UNC50: variants seen among roughly 807,000 people sequenced by gnomAD.
UNC50 encodes the protein protein unc-50 homolog.
In UNC50, 24 loss-of-function variants were observed where a neutral mutation model predicts 31.5. That is an observed-to-expected ratio of 0.76 (90% CI 0.55 to 1.07). The LOEUF is 1.07. UNC50 is among the 50% of genes least tolerant of loss of function. UNC50 has a pLI of 0.00. For missense variants in UNC50, 245 were observed against 304.2 expected, an observed-to-expected ratio of 0.81 and a Z score of 1.45; for synonymous variants, 118 against 114.7, an observed-to-expected ratio of 1.03 and a Z score of -0.18.
chr2:98,615,013 T>C (rs1700897771), intron 3 of UNC50, among the ~76,000 whole-genome samples: 1 of 152,252 alleles, frequency 6.6e-6, no homozygotes, highest in Non-Finnish European at 1.5e-5. Context: ...AGATCTTACT[T>C]TTCTGTTACT....
At chr2:98,608,816 C>T in intron 1 of UNC50, 90 bp downstream of exon 1, 1 of 285,150 alleles carries the variant, frequency 3.5e-6, no homozygotes, top group South Asian at 3.2e-5. Flanking sequence ...GACGTCGCTG[C>T]GGCCTGGCAG....
intron 3 of UNC50, 93 bp downstream of exon 3, chr2:98,610,988 C>A: frequency 7.1e-7 from 1 of 1,406,868 alleles, no homozygotes; most frequent in South Asian, 1.6e-5. Flanking sequence ...AAATTGAAAC[C>A]CAGGTAGAGT....
chr2:98,616,584 A>AGCCTGTGG, intron 5 of UNC50, 51 bp downstream of exon 5: 1 of 1,453,914 alleles, frequency 6.9e-7, no homozygotes, highest in Non-Finnish European at 9.6e-7. Context: ...AAGAGGGGGA[A>AGCCTGTGG]AGTTGTAACA....
chr2:98,615,459 A>G (rs1205750709), intron 3 of UNC50, among the ~76,000 whole-genome samples: 1 of 152,142 alleles, frequency 6.6e-6, no homozygotes, highest in Non-Finnish European at 1.5e-5. Context: ...AGGCAGCTCC[A>G]TCTTCCATTT....
chr2:98,617,219 G>A (rs1186117768), intron 5 of UNC50, among the ~76,000 whole-genome samples: 3 of 152,144 alleles, frequency 2.0e-5, no homozygotes, highest in Non-Finnish European at 2.9e-5. Flanking sequence ...TGCGCTGTAC[G>A]TTTCTTACCC....
chr2:98,610,715 G>T, intron 2 of UNC50, 60 bp from the exon 3 acceptor site: 1 of 1,594,162 alleles, frequency 6.3e-7, no homozygotes, highest in Non-Finnish European at 8.5e-7. Flanking sequence ...CAAGGGATGT[G>T]TCCTGTATTT....
In UNC50 at chr2:98,618,346, T is replaced by TGTGAA; in HGVS notation, c.*47_*51dup. ...TCAATCGTAACTGTGTCAACAGTAT[T>TGTGAA]GTGAAGTGATCATTTCTTGTAAAAC... On this transcript the variant is annotated 3_prime_UTR_variant, in exon 6 of 6. Transcript: ENST00000357765. 1 of 1,534,790 alleles carries TGTGAA rather than the reference T, an allele frequency of 6.5e-7. No individual in the cohort carries two copies. The highest frequency in any genetic ancestry group is 1.7e-4 in the Middle Eastern group (1 of 5,764).
intron 2 of UNC50, 115 bp from the exon 3 acceptor site, chr2:98,610,660 T>G (rs917361677): frequency 2.2e-6 from 3 of 1,338,264 alleles, no homozygotes; most frequent in African/African-American, 2.9e-5. Context: ...CTTGGGAGTT[T>G]TGTTTAAAGA....
rs138711788 is a variant in UNC50 at position 98,612,971 on chromosome 2, T to C, written c.401+2076T>C. On this transcript the variant is annotated intron_variant, in intron 3 of 5. Transcript: ENST00000357765. Reference sequence around the variant, plus strand: ...AAGTGGGCATATGCTGCTGGAAAAATGGCACAGGCAGACTTGCTGGACACA... The same window carrying C: ...AAGTGGGCATATGCTGCTGGAAAAACGGCACAGGCAGACTTGCTGGACACA... Among the ~76,000 whole-genome samples, 592 of 152,214 alleles carry C rather than the reference T, an allele frequency of 3.9e-3. 4 individuals carry two copies. The highest frequency in any genetic ancestry group is 0.013 in the African/African-American group (555 of 41,512).
chr2:98,617,261 C>CCTAA (rs750934019), intron 5 of UNC50, among the ~76,000 whole-genome samples: 15 of 152,132 alleles, frequency 9.9e-5, no homozygotes, highest in African/African-American at 3.1e-4. Flanking sequence ...ATGATTAGGG[C>CCTAA]CTAACTGTAA....
chr2:98,611,193 C>T (rs975052852), intron 3 of UNC50, among the ~76,000 whole-genome samples: 1 of 152,214 alleles, frequency 6.6e-6, no homozygotes, highest in Non-Finnish European at 1.5e-5. Flanking sequence ...AAGTTAAGGA[C>T]ATGCCTGTGA....
chr2:98,618,336 T>G lies in UNC50; in HGVS notation c.*32T>G, dbSNP rs1575233714. The G allele has an allele frequency of 6.3e-7, 1 of 1,579,888 alleles. No homozygotes were observed. ...AGAAGAAGATTCAATCGTAACTGTG[T>G]CAACAGTATTGTGAAGTGATCATTT... On this transcript the variant is annotated 3_prime_UTR_variant, in exon 6 of 6. Coordinates refer to ENST00000357765, the MANE Select transcript of UNC50 (RefSeq NM_014044.7).
chr2:98,612,655 C>T (rs915052732), intron 3 of UNC50, among the ~76,000 whole-genome samples: 5 of 152,196 alleles, frequency 3.3e-5, no homozygotes, highest in South Asian at 2.1e-4. Flanking sequence ...GTGATCCTCC[C>T]GCCTCAGCCT....
rs1396275213 is a variant in UNC50, at chr2:98,618,316, AAG to A, written c.*14_*15del. ...ACAGAGTGAAATAAAAAGTGAGAAGAAGATTCAATCGTAACTGTGTCAACAGT... is the reference window on the plus strand; with the variant it reads ...ACAGAGTGAAATAAAAAGTGAGAAGAATTCAATCGTAACTGTGTCAACAGT... On this transcript the variant is annotated 3_prime_UTR_variant, in exon 6 of 6. Coordinates refer to ENST00000357765, the MANE Select transcript of UNC50 (RefSeq NM_014044.7). The A allele has an allele frequency of 6.3e-7, 1 of 1,588,162 alleles. No homozygotes were observed. Among genetic ancestry groups the A allele is most frequent in the East Asian group, 2.2e-5 (1 of 44,684 alleles).
chr2:98,616,582 G>GTTT (rs1559149379), intron 5 of UNC50, 49 bp downstream of exon 5: 1 of 1,486,978 alleles, frequency 6.7e-7, no homozygotes, highest in Non-Finnish European at 9.3e-7. Context: ...GCAAGAGGGG[G>GTTT]AAAGTTGTAA....
rs1248856055 is a variant in UNC50, at chr2:98,608,734, C to T, written c.-5+8C>T. The T allele has an allele frequency of 2.5e-6, 1 of 397,604 alleles. No homozygotes were observed. The highest frequency in any genetic ancestry group is 4.7e-6 in the Non-Finnish European group (1 of 214,952). The allele number at this position is 397,604 out of a possible 1,614,324, so 24.6% of individuals were successfully genotyped here. A position where few individuals can be genotyped will look rare whatever the true frequency, so the allele number is the denominator to read the frequency against. On this transcript the variant is annotated splice_region_variant and intron_variant, in intron 1 of 5. Coordinates refer to ENST00000357765, the MANE Select transcript of UNC50 (RefSeq NM_014044.7). Reference sequence around the variant, plus strand: ...GCTGTAGCAGGACTCCAGGTGAGGCCTGAGGACCACTCTGCCCTCCCGCGG... The same window carrying T: ...GCTGTAGCAGGACTCCAGGTGAGGCTTGAGGACCACTCTGCCCTCCCGCGG...
intron 5 of UNC50, among the ~76,000 whole-genome samples, chr2:98,617,402 T>G (rs188400711): frequency 6.6e-6 from 1 of 152,284 alleles, no homozygotes; most frequent in Non-Finnish European, 1.5e-5. Flanking sequence ...CTTTCTCTAG[T>G]CCAGGGGAGA....
At chr2:98,616,745 C>G (rs1217203489) in intron 5 of UNC50, among the ~76,000 whole-genome samples, 2 of 152,180 alleles carry the variant, frequency 1.3e-5, no homozygotes, top group East Asian at 3.8e-4. Context: ...GCAACTTACC[C>G]ATGGTCATGC....
chr2:98,616,304 C>T lies in UNC50; in HGVS notation c.499C>T (p.Leu167Phe). The change falls in exon 4 of 6, where the codon CTC (leucine) becomes TTC (phenylalanine). Residue 167 changes from leucine (L) to phenylalanine (F), a missense_variant. Transcript: ENST00000357765. ...FDVHLNAFYP[L>F]LVILHFIQLF... ...TGTGCATCTCAATGCTTTTTATCCACTCCTGGTCATTTTGCATTTTATCCA... is the reference window on the plus strand; with the variant it reads ...TGTGCATCTCAATGCTTTTTATCCATTCCTGGTCATTTTGCATTTTATCCA... The T allele has an allele frequency of 2.5e-6, 4 of 1,614,152 alleles. No homozygotes were observed. Among genetic ancestry groups the T allele is most frequent in the Non-Finnish European group, 2.5e-6 (3 of 1,180,020 alleles).
Sources: gnomAD v4.1 joint callset for allele counts (sites outside exome capture counted in the v4.1 genomes callset) on GRCh38, gnomAD v4.1.1 for gene constraint, MANE v1.5 for transcripts, NCBI Gene and HGNC (gene_info 2026-07-23, HGNC 2026-07-21) for gene names.